Variants in ZBTB20 observed in about 807,000 individuals in gnomAD.
ZBTB20 encodes zinc finger and BTB domain containing 20.
A neutral mutation model predicts 56.9 loss-of-function variants in ZBTB20; 9 were observed. That is an observed-to-expected ratio of 0.16 (90% CI 0.10 to 0.28). The LOEUF is 0.28. Ranked by LOEUF, ZBTB20 falls within the 10% of genes least tolerant of loss-of-function variation. The pLI, the probability that ZBTB20 is intolerant of heterozygous loss-of-function variation, is 1.00. For synonymous variants in ZBTB20, 417 were observed against 420.7 expected (o/e 0.99, Z 0.11); for missense variants, 655 against 1,003.0 (o/e 0.65, Z 4.69).
At chr3:114,760,580 T>C (rs1319254472) in intron 5 of ZBTB20, among the ~76,000 whole-genome samples, 3 of 152,176 alleles carry the variant, frequency 2.0e-5, no homozygotes, top group Non-Finnish European at 2.9e-5. Context: ...TTCAGATAAA[T>C]GTTTCAGATG....
chr3:114,691,018 A>G (rs1249389103), intron 6 of ZBTB20, among the ~76,000 whole-genome samples: 1 of 152,170 alleles, frequency 6.6e-6, no homozygotes. Context: ...CAAGTAAAAA[A>G]AGTACCAAAA....
intron 5 of ZBTB20, among the ~76,000 whole-genome samples, chr3:114,776,300 A>G (rs1259260225): frequency 1.3e-5 from 2 of 152,106 alleles, no homozygotes; most frequent in African/African-American, 2.4e-5. Context: ...TTAAATTAAG[A>G]ATTTTGACAT....
chr3:115,079,397 T>TATTTA (rs950874386), intron 1 of ZBTB20, among the ~76,000 whole-genome samples: 14 of 151,812 alleles, frequency 9.2e-5, no homozygotes, highest in African/African-American at 3.1e-4. Context: ...TTTATTTATT[T>TATTTA]ATTTATTTAG....
intron 5 of ZBTB20, among the ~76,000 whole-genome samples, chr3:114,769,341 T>C (rs1212787697): frequency 6.6e-6 from 1 of 151,438 alleles, no homozygotes; most frequent in Non-Finnish European, 1.5e-5. Flanking sequence ...AATCAATGAG[T>C]GGATAAAGAA....
At chr3:114,455,530 T>C (rs1364938318) in intron 7 of ZBTB20, among the ~76,000 whole-genome samples, 1 of 152,138 alleles carries the variant, frequency 6.6e-6, no homozygotes, top group East Asian at 1.9e-4. Context: ...TGAAAGTTTA[T>C]TAACGATGGT....
intron 3 of ZBTB20, among the ~76,000 whole-genome samples, chr3:114,935,504 TA>T (rs1333507709): frequency 2.0e-5 from 3 of 152,236 alleles, no homozygotes; most frequent in Non-Finnish European, 2.9e-5. Context: ...TTTTCTTTTT[TA>T]AAAAAAATTA....
At chr3:115,075,854 G>C (rs1395306535) in intron 1 of ZBTB20, among the ~76,000 whole-genome samples, 1 of 152,090 alleles carries the variant, frequency 6.6e-6, no homozygotes, top group Non-Finnish European at 1.5e-5. Flanking sequence ...AGTTGGTAGA[G>C]TCTATGCTTT....
intron 2 of ZBTB20, among the ~76,000 whole-genome samples, chr3:114,988,160 A>G (rs933743197): frequency 2.1e-5 from 3 of 145,770 alleles, no homozygotes; most frequent in East Asian, 2.0e-4. Context: ...GGTTTGCTAC[A>G]TATGTATACA....
In ZBTB20 at chr3:114,944,074, CATG is replaced by C. The variant is rs1032554462; in HGVS notation, c.-456+30289_-456+30291del. Among the ~76,000 whole-genome samples the C allele has an allele frequency of 8.2e-5, 12 of 145,664 alleles. 2 individuals are homozygous for C. The highest frequency in any genetic ancestry group is 3.3e-4 in the African/African-American group (12 of 35,846). On this transcript the variant is annotated intron_variant, in intron 3 of 11. Coordinates refer to ENST00000675478, the MANE Select transcript of ZBTB20 (RefSeq NM_001348800.3). Reference sequence around the variant, plus strand: ...AACAATTGAAGCCAGAGAACAAAGCCATGATATCTTTAAAATGCTTTTAAAAAG... The same window carrying C: ...AACAATTGAAGCCAGAGAACAAAGCCATATCTTTAAAATGCTTTTAAAAAG...
intron 3 of ZBTB20, among the ~76,000 whole-genome samples, chr3:114,949,316 A>G (rs2076984987): frequency 6.8e-6 from 1 of 146,370 alleles, no homozygotes; most frequent in Non-Finnish European, 1.5e-5. Context: ...AACAATAAAG[A>G]TTCTAGAAGA....
chr3:114,447,811 C>A (rs570678225), intron 7 of ZBTB20, among the ~76,000 whole-genome samples: 1 of 152,152 alleles, frequency 6.6e-6, no homozygotes, highest in South Asian at 2.1e-4. Flanking sequence ...CTGGAGGGAA[C>A]AGGAAAGTTA....
At chr3:114,993,242 G>A (rs1317138492) in intron 2 of ZBTB20, among the ~76,000 whole-genome samples, 1 of 151,792 alleles carries the variant, frequency 6.6e-6, no homozygotes, top group Admixed American at 6.6e-5. Context: ...CAGTACAAAA[G>A]AAAATAGAAG....
Position 114,898,561 on chromosome 3 carries a change from C to T in ZBTB20, c.-417+1743G>A, listed in dbSNP as rs186475975. On this transcript the variant is annotated intron_variant, in intron 4 of 11. Coordinates refer to ENST00000675478, the MANE Select transcript of ZBTB20 (RefSeq NM_001348800.3). The stretch of plus-strand genomic sequence containing the variant: ...AGTAATAAGATTTTAGGACACAATC[C>T]CTCTATTTCTAATACAACTCCAGAA... Among the ~76,000 whole-genome samples, 131 of 152,078 alleles carry T rather than the reference C, an allele frequency of 8.6e-4. 2 individuals are homozygous for T. Among genetic ancestry groups the T allele is most frequent in the African/African-American group, 3.0e-3 (123 of 41,512 alleles).
In ZBTB20 at chr3:114,440,106, T is replaced by A. The variant is rs572010456; in HGVS notation, c.-254-51001A>T. 1.3e-3 allele frequency among the ~76,000 whole-genome samples: 190 copies of A among 151,694 alleles called. 2 individuals carry two copies. The highest frequency in any genetic ancestry group is 2.1e-3 in the East Asian group (11 of 5,170). The stretch of plus-strand genomic sequence containing the variant: ...AGAGAAGGTCTTACTTTTTTTTTTT[T>A]AAAAAGTGACTGACCTTCACAATGG... On this transcript the variant is annotated intron_variant, in intron 7 of 11. Transcript: ENST00000675478.
intron 2 of ZBTB20, among the ~76,000 whole-genome samples, chr3:114,980,997 C>T (rs1216195544): frequency 1.3e-5 from 2 of 151,882 alleles, no homozygotes; most frequent in Admixed American, 6.6e-5. Context: ...ATAATTTTAT[C>T]TTTCACTTAA....
At position 114,510,286 on chromosome 3, in the gene ZBTB20, C is replaced by A. The variant is rs557797753; in HGVS notation, c.-294-9895G>T. The stretch of plus-strand genomic sequence containing the variant: ...GCCGACACTTCAAGGGAAGTCCATT[C>A]ATCTCTGACCAATGAAGCCCAAAGT... On this transcript the variant is annotated intron_variant, in intron 6 of 11. Transcript: ENST00000675478. Among the ~76,000 whole-genome samples, 15 of 152,296 alleles carry A rather than the reference C, an allele frequency of 9.8e-5. No homozygotes were observed. The South Asian group carries it at 3.1e-3, about 32-fold the overall frequency.
chr3:114,961,733 T>A (rs1288261139), intron 3 of ZBTB20, among the ~76,000 whole-genome samples: 4 of 152,162 alleles, frequency 2.6e-5, no homozygotes, highest in Non-Finnish European at 4.4e-5. Context: ...ATAACAGGGC[T>A]TCTTTGTTCA....
intron 4 of ZBTB20, among the ~76,000 whole-genome samples, chr3:114,865,119 A>G (rs1221472970): frequency 6.6e-6 from 1 of 152,110 alleles, no homozygotes; most frequent in Admixed American, 6.6e-5. Context: ...ATAGTGCTGA[A>G]AGACCCCACA....
intron 4 of ZBTB20, among the ~76,000 whole-genome samples, chr3:114,814,851 G>A (rs996216542): frequency 7.2e-5 from 11 of 152,176 alleles, no homozygotes; most frequent in African/African-American, 2.7e-4. Context: ...AGCCCAAGCT[G>A]CATCTGCTTG....
Sources: allele counts gnomAD v4.1 joint callset (sites outside exome capture counted in the v4.1 genomes callset), GRCh38; gene constraint gnomAD v4.1.1; transcripts MANE v1.5; gene names NCBI Gene and HGNC (gene_info 2026-07-23, HGNC 2026-07-21).